MAP3K20: variants seen among roughly 807,000 people sequenced by gnomAD.
MAP3K20 encodes HCCS-4.
Under a neutral mutation model 85.7 loss-of-function variants are expected in MAP3K20, and 40 were observed. That is an observed-to-expected ratio of 0.47 (90% CI 0.36 to 0.61). The LOEUF is 0.61. Among genes scored for constraint, MAP3K20 ranks in the 20% least tolerant of loss-of-function variants. The pLI is 0.00. For missense variants in MAP3K20, 817 were observed against 961.7 expected, an observed-to-expected ratio of 0.85 and a Z score of 1.99; for synonymous variants, 325 against 327.7, an observed-to-expected ratio of 0.99 and a Z score of 0.09.
intron 2 of MAP3K20, among the ~76,000 whole-genome samples, chr2:173,117,152 T>C (rs752446351): frequency 6.6e-6 from 1 of 152,214 alleles, no homozygotes; most frequent in Non-Finnish European, 1.5e-5. Context: ...TAAAAAAGAA[T>C]TGGTATTTTT....
chr2:173,119,764 T>C (rs960391654), intron 2 of MAP3K20, among the ~76,000 whole-genome samples: 3 of 152,206 alleles, frequency 2.0e-5, no homozygotes. Flanking sequence ...CAGCTGCCCT[T>C]TGTACAAGTG....
chr2:173,123,672 T>G (rs1292855742), intron 2 of MAP3K20, among the ~76,000 whole-genome samples: 1 of 152,192 alleles, frequency 6.6e-6, no homozygotes, highest in Non-Finnish European at 1.5e-5. Flanking sequence ...TGTTCCCCTT[T>G]CCAGGTTTCA....
chr2:173,229,663 T>C, intron 11 of MAP3K20, 26 bp from the exon 12 acceptor site: 1 of 1,613,216 alleles, frequency 6.2e-7, no homozygotes, highest in Non-Finnish European at 8.5e-7. Flanking sequence ...CTTTTTTTTT[T>C]CATTTCATGC....
At chr2:173,206,611 A>G (rs145297868) in intron 9 of MAP3K20, among the ~76,000 whole-genome samples, 44 of 149,668 alleles carry the variant, frequency 2.9e-4, no homozygotes, top group African/African-American at 9.0e-4. Flanking sequence ...TGGTTATTCT[A>G]TTTATCCCAC....
Position 173,266,130 on chromosome 2 carries a change from C to A in MAP3K20, c.1783C>A (p.Pro595Thr). Residue 595 changes from proline (P) to threonine (T), a missense_variant, in exon 20 of 20, where the codon CCT becomes ACT. By Grantham distance (38) the Pro-to-Thr change is conservative. Transcript: ENST00000375213. ...TTCTTTACAGCGTTCCCAGAGCAAT[C>A]CTATTCTGGGGTCACCGTTCTTCTC... ...NTSLQRSQSN[P>T]ILGSPFFSHF... 1 of 1,613,244 alleles carries A rather than the reference C, an allele frequency of 6.2e-7. No homozygotes were observed. Among genetic ancestry groups the A allele is most frequent in the Non-Finnish European group, 8.5e-7 (1 of 1,179,680 alleles).
At chr2:173,235,180 T>C (rs1276448028) in intron 14 of MAP3K20, among the ~76,000 whole-genome samples, 1 of 152,150 alleles carries the variant, frequency 6.6e-6, no homozygotes, top group Non-Finnish European at 1.5e-5. Flanking sequence ...AAGGGTGCAA[T>C]GGGCAGCACA....
chr2:173,251,400 C>G (rs1274986044), intron 16 of MAP3K20, among the ~76,000 whole-genome samples: 1 of 152,156 alleles, frequency 6.6e-6, no homozygotes, highest in Non-Finnish European at 1.5e-5. Flanking sequence ...GACTTGAATT[C>G]TTATCCTACA....
At chr2:173,130,714 G>A (rs1160600858) in intron 2 of MAP3K20, among the ~76,000 whole-genome samples, 1 of 152,224 alleles carries the variant, frequency 6.6e-6, no homozygotes, top group Non-Finnish European at 1.5e-5. Context: ...GCTGAGCACT[G>A]AGCTGTGAAA....
At chr2:173,090,296 C>T (rs1687256056) in intron 1 of MAP3K20, among the ~76,000 whole-genome samples, 1 of 152,166 alleles carries the variant, frequency 6.6e-6, no homozygotes, top group African/African-American at 2.4e-5. Context: ...TAATACGTTT[C>T]TTTGGAAACA....
chr2:173,239,579 C>T, intron 16 of MAP3K20, 83 bp downstream of exon 16: 2 of 1,184,560 alleles, frequency 1.7e-6, no homozygotes, highest in Admixed American at 2.8e-5. Flanking sequence ...TTTTATACAC[C>T]CCCTACCAGC....
chr2:173,147,488 A>G lies in MAP3K20; in HGVS notation c.160-22317A>G, dbSNP rs1273896045. 4.6e-5 allele frequency among the ~76,000 whole-genome samples: 7 copies of G among 152,232 alleles called. No homozygotes were observed. In the East Asian group the frequency reaches 1.3e-3, roughly 29 times the overall value. On this transcript the variant is annotated intron_variant, in intron 2 of 19. Transcript: ENST00000375213. ...TTGGGAAATGAAATTTTGGGGGTGCATATTGCTATTCTAAACAAAATAGAA... is the reference window on the plus strand; with the variant it reads ...TTGGGAAATGAAATTTTGGGGGTGCGTATTGCTATTCTAAACAAAATAGAA...
rs761495516 is a variant in MAP3K20 at position 173,217,098 on chromosome 2, C to T, written c.852-17C>T. The T allele has an allele frequency of 2.0e-6, 3 of 1,501,132 alleles. No homozygotes were observed. The highest frequency in any genetic ancestry group is 2.7e-6 in the Non-Finnish European group (3 of 1,121,598). The allele number at this position is 1,501,132 out of a possible 1,614,324, so 93.0% of individuals were successfully genotyped here. On this transcript the variant is annotated splice_polypyrimidine_tract_variant and intron_variant, in intron 10 of 19. Transcript: ENST00000375213. Reference sequence around the variant, plus strand: ...TCTTAAGTAAAGTTGAGACTTACACCAGCTATCCCCGTGCAGGTGCGAAAT... The same window carrying T: ...TCTTAAGTAAAGTTGAGACTTACACTAGCTATCCCCGTGCAGGTGCGAAAT...
rs775456781 is a variant in MAP3K20 at position 173,169,851 on chromosome 2, A to G, written c.206A>G (p.Tyr69Cys). 1.9e-6 allele frequency: 3 copies of G among 1,613,924 alleles called. No individual in the cohort carries two copies. Among genetic ancestry groups the G allele is most frequent in the African/African-American group, 2.7e-5 (2 of 74,952 alleles). The change falls in exon 3 of 20, where the codon TAT (tyrosine) becomes TGT (cysteine). Residue 69 changes from tyrosine to cysteine, a missense_variant. Tyr to Cys is a radical substitution (Grantham distance 194, BLOSUM62 -2). Transcript: ENST00000375213. ...AGTCACAGAAACATCATCCAGTTTTATGGAGTAATTCTTGAACCTCCCAAC... is the reference window on the plus strand; with the variant it reads ...AGTCACAGAAACATCATCCAGTTTTGTGGAGTAATTCTTGAACCTCCCAAC... ...VLSHRNIIQF[Y>C]GVILEPPNYG...
At chr2:173,219,966 G>A (rs1254647091) in intron 11 of MAP3K20, among the ~76,000 whole-genome samples, 1 of 150,508 alleles carries the variant, frequency 6.6e-6, no homozygotes, top group African/African-American at 2.5e-5. Context: ...TATTTGGGAG[G>A]CTGAGGCAGG....
chr2:173,253,648 T>C lies in MAP3K20; in HGVS notation c.1360-5051T>C, dbSNP rs79881722. Among the ~76,000 whole-genome samples the C allele has an allele frequency of 5.8e-3, 876 of 152,302 alleles. 4 individuals are homozygous for C. Among genetic ancestry groups the C allele is most frequent in the Non-Finnish European group, 9.4e-3 (637 of 68,022 alleles). The stretch of plus-strand genomic sequence containing the variant: ...AAAAAGGAGTACTTTGCAGTTCCCA[T>C]AGGACCTCAGAATAGAGAGATGTTT... On this transcript the variant is annotated intron_variant, in intron 16 of 19. Coordinates refer to ENST00000375213, the MANE Select transcript of MAP3K20 (RefSeq NM_016653.3).
At chr2:173,136,554 G>A (rs1246487181) in intron 2 of MAP3K20, among the ~76,000 whole-genome samples, 1 of 152,102 alleles carries the variant, frequency 6.6e-6, no homozygotes, top group Non-Finnish European at 1.5e-5. Flanking sequence ...ACAATCTTTT[G>A]AATAGTGCAA....
intron 16 of MAP3K20, among the ~76,000 whole-genome samples, chr2:173,245,484 TC>T (rs1684892246): frequency 6.6e-6 from 1 of 152,162 alleles, no homozygotes; most frequent in Non-Finnish European, 1.5e-5. Flanking sequence ...ACAAGAATTC[TC>T]CCACAAGTGA....
At chr2:173,173,858 C>T (rs568586736) in intron 3 of MAP3K20, among the ~76,000 whole-genome samples, 93 of 152,006 alleles carry the variant, frequency 6.1e-4, no homozygotes, top group Middle Eastern at 6.8e-3. Context: ...CTATTATCAC[C>T]GTAAAACTCA....
chr2:173,179,031 G>A (rs1690248006), intron 3 of MAP3K20, among the ~76,000 whole-genome samples: 1 of 152,086 alleles, frequency 6.6e-6, no homozygotes, highest in African/African-American at 2.4e-5. Context: ...TAAAATCATA[G>A]AAGATAAAAA....
Sources: allele counts gnomAD v4.1 joint callset (sites outside exome capture counted in the v4.1 genomes callset), GRCh38; gene constraint gnomAD v4.1.1; transcripts MANE v1.5; gene names NCBI Gene and HGNC (gene_info 2026-07-23, HGNC 2026-07-21).